Variants in PAX2 observed in about 807,000 individuals in gnomAD.
PAX2 encodes the protein paired box 2.
Under a neutral mutation model 41.7 loss-of-function variants are expected in PAX2, and 9 were observed. The ratio of observed to expected loss-of-function variants is 0.22; its 90% CI spans 0.13 to 0.38. The LOEUF (loss-of-function observed/expected upper bound fraction) is 0.38, where lower values mean the gene tolerates loss of function less well. Among genes scored for constraint, PAX2 ranks in the 10% least tolerant of loss-of-function variants. The pLI, the probability that PAX2 is intolerant of heterozygous loss-of-function variation, is 1.00. For missense variants in PAX2, 418 were observed against 531.6 expected, an observed-to-expected ratio of 0.79 and a Z score of 2.10; for synonymous variants, 221 against 212.7, an observed-to-expected ratio of 1.04 and a Z score of -0.34.
intron 3 of PAX2, among the ~76,000 whole-genome samples, chr10:100,775,275 G>A (rs1045289636): frequency 2.6e-5 from 4 of 152,326 alleles, no homozygotes; most frequent in South Asian, 2.1e-4. Context: ...GTATCAGGCC[G>A]TCATCATCAA....
chr10:100,817,329 C>T lies in PAX2; in HGVS notation c.920-7319C>T, dbSNP rs1848223398. Reference sequence around the variant, plus strand: ...GTTGGACTAGAAGATATCCAAGTTCCTTCTCAGCCCTTTGAAAATGTGATT... The same window carrying T: ...GTTGGACTAGAAGATATCCAAGTTCTTTCTCAGCCCTTTGAAAATGTGATT... On this transcript the variant is annotated intron_variant, in intron 7 of 9. Coordinates refer to ENST00000355243, the MANE Select transcript of PAX2 (RefSeq NM_000278.5). Among the ~76,000 whole-genome samples the T allele has an allele frequency of 3.9e-5, 6 of 152,328 alleles. No individual in the cohort carries two copies. In the South Asian group the frequency reaches 1.2e-3, roughly 32 times the overall value.
Position 100,827,775 on chromosome 10 carries a change from C to T in PAX2, c.*156C>T, listed in dbSNP as rs559979095. On this transcript the variant is annotated 3_prime_UTR_variant, in exon 10 of 10. Transcript: ENST00000355243. This position sits in a 1 kb window ranked among gnomAD's most constrained non-coding sequence, Gnocchi z 8.5. Reference sequence around the variant, plus strand: ...CCATCCCACGACCCCCGCAACCCTTCACATCACCCCCCTCGAAGGTCGGAC... The same window carrying T: ...CCATCCCACGACCCCCGCAACCCTTTACATCACCCCCCTCGAAGGTCGGAC... The T allele has an allele frequency of 9.7e-6, 11 of 1,128,880 alleles. No homozygotes were observed. In the African/African-American group the frequency reaches 1.2e-4, roughly 13 times the overall value. 69.9% of individuals were successfully genotyped at this position (1,128,880 alleles called of 1,614,324 possible). A position where few individuals can be genotyped will look rare whatever the true frequency, so the allele number is the denominator to read the frequency against.
intron 1 of PAX2, among the ~76,000 whole-genome samples, chr10:100,738,209 G>T (rs184414888): frequency 6.6e-6 from 1 of 152,160 alleles, no homozygotes; most frequent in Non-Finnish European, 1.5e-5. Flanking sequence ...CCATTCGGGC[G>T]CCAGGCTTTC....
chr10:100,825,045 C>A, intron 8 of PAX2: 1 of 1,338,240 alleles, frequency 7.5e-7, no homozygotes, highest in Non-Finnish European at 1.1e-6. Flanking sequence ...GAGCACTCAG[C>A]CTCAGCTCCA....
chr10:100,796,321 T>G (rs142597466), intron 5 of PAX2, among the ~76,000 whole-genome samples: 112 of 152,366 alleles, frequency 7.4e-4, no homozygotes, highest in Middle Eastern at 3.4e-3. Context: ...CTTCATGTCT[T>G]GCCATTTTCA....
chr10:100,736,792 C>G (rs1439900186), intron 1 of PAX2, among the ~76,000 whole-genome samples: 2 of 152,172 alleles, frequency 1.3e-5, no homozygotes, highest in East Asian at 3.9e-4. Context: ...TGGGCAGACC[C>G]TCTGCACCAG....
chr10:100,771,045 G>A (rs940795125), intron 3 of PAX2, among the ~76,000 whole-genome samples: 16 of 152,162 alleles, frequency 1.1e-4, no homozygotes, highest in African/African-American at 3.1e-4. Flanking sequence ...GATGGGACCC[G>A]GTGATTTGCA....
rs1215282618 is a variant in PAX2, at chr10:100,750,894, G to A, written c.410+3G>A. 16 of 1,612,954 alleles carry A rather than the reference G, an allele frequency of 9.9e-6. No individual in the cohort carries two copies. The highest frequency in any genetic ancestry group is 2.2e-5 in the South Asian group (2 of 91,052). On this transcript the variant is annotated splice_donor_region_variant and intron_variant, in intron 3 of 9. Transcript: ENST00000355243. This position sits in a 1 kb window ranked among gnomAD's most constrained non-coding sequence, Gnocchi z 4.1. ...CCCAGCGTCTCTTCCATCAACAGGT[G>A]AGCAAGCCACCCGGGTTTTCAGGGC...
chr10:100,756,029 T>G (rs1589819346), intron 3 of PAX2, among the ~76,000 whole-genome samples: 1 of 152,286 alleles, frequency 6.6e-6, no homozygotes, highest in Non-Finnish European at 1.5e-5. Flanking sequence ...ACATGTGTTT[T>G]GGACAGCATT....
intron 7 of PAX2, among the ~76,000 whole-genome samples, chr10:100,818,824 G>A (rs1012377260): frequency 3.3e-5 from 5 of 152,184 alleles, no homozygotes; most frequent in African/African-American, 1.2e-4. Flanking sequence ...TGCACTATTT[G>A]AGAACAATAT....
rs1347353384 is a variant in PAX2, at chr10:100,828,965, C to T, written c.*1346C>T. 1.3e-5 allele frequency: 3 copies of T among 228,016 alleles called. No individual in the cohort carries two copies. The highest frequency in any genetic ancestry group is 2.2e-5 in the African/African-American group (1 of 44,712). 14.1% of individuals were successfully genotyped at this position (228,016 alleles called of 1,614,324 possible). Reference sequence around the variant, plus strand: ...CGTAGAGTCCCTGTCGCCCGCCGGCCCTGCCTGTAGATACGCCCCGCTGTC... The same window carrying T: ...CGTAGAGTCCCTGTCGCCCGCCGGCTCTGCCTGTAGATACGCCCCGCTGTC... On this transcript the variant is annotated 3_prime_UTR_variant, in exon 10 of 10. Transcript: ENST00000355243. The surrounding 1 kb of genome is among the most constrained non-coding windows in gnomAD (Gnocchi z 6.5).
At position 100,768,442 on chromosome 10, in the gene PAX2, C is replaced by T. The variant is rs187787448; in HGVS notation, c.411-11056C>T. Among the ~76,000 whole-genome samples, 147 of 152,270 alleles carry T rather than the reference C, an allele frequency of 9.7e-4. No individual in the cohort carries two copies. In the East Asian group the frequency reaches 0.024, roughly 24 times the overall value. Reference sequence around the variant, plus strand: ...CAGTGCATATAAAATTCACCGAAGCCTATAGCAGCTTAATCTAAAATTGTG... The same window carrying T: ...CAGTGCATATAAAATTCACCGAAGCTTATAGCAGCTTAATCTAAAATTGTG... On this transcript the variant is annotated intron_variant, in intron 3 of 9. Coordinates refer to ENST00000355243, the MANE Select transcript of PAX2 (RefSeq NM_000278.5).
In PAX2 at chr10:100,791,872, G is replaced by A. The variant is rs1487988371; in HGVS notation, c.616+10507G>A. ...GGGTGGACTGGTGGTGTGGGGAGCC[G>A]AGGGCACTGTGGGCCACCTGGGGCA... On this transcript the variant is annotated intron_variant, in intron 5 of 9. Coordinates refer to ENST00000355243, the MANE Select transcript of PAX2 (RefSeq NM_000278.5). This position sits in a 1 kb window ranked among gnomAD's most constrained non-coding sequence, Gnocchi z 4.5. 5.3e-5 allele frequency among the ~76,000 whole-genome samples: 8 copies of A among 152,170 alleles called. No individual in the cohort carries two copies. Among genetic ancestry groups the A allele is most frequent in the African/African-American group, 1.7e-4 (7 of 41,440 alleles).
intron 7 of PAX2, among the ~76,000 whole-genome samples, chr10:100,811,665 T>A (rs1477582690): frequency 2.0e-5 from 3 of 152,240 alleles, no homozygotes; most frequent in Non-Finnish European, 2.9e-5. Flanking sequence ...GCTTATTTTC[T>A]TGGCAAATAT....
At chr10:100,810,358 C>T (rs927638) in intron 7 of PAX2, among the ~76,000 whole-genome samples, 19,478 of 152,232 alleles carry the variant, frequency 0.13, 2,609 homozygotes, top group African/African-American at 0.34. Flanking sequence ...TCAGTTTTCC[C>T]AGCCTCTCCC....
Position 100,808,309 on chromosome 10 carries a change from G to A in PAX2, c.793-801G>A, listed in dbSNP as rs80328765. Among the ~76,000 whole-genome samples the A allele has an allele frequency of 0.014, 2,084 of 152,050 alleles. 75 individuals carry two copies. The East Asian group carries it at 0.15, about 11-fold the overall frequency. ...GAATTGGAAATGACGAGGCAATCCC[G>A]TCCAGCCATGGAGGGGAGGGGGTAC... is the stretch of plus-strand genomic sequence containing the variant. On this transcript the variant is annotated intron_variant, in intron 6 of 9. Coordinates refer to ENST00000355243, the MANE Select transcript of PAX2 (RefSeq NM_000278.5).
intron 3 of PAX2, among the ~76,000 whole-genome samples, chr10:100,762,200 TAA>T (rs55652460): frequency 5.6e-5 from 8 of 142,400 alleles, no homozygotes; most frequent in African/African-American, 1.0e-4. Context: ...CCATCTCTAT[TAA>T]AAAAAAAAAA....
chr10:100,740,053 C>A (rs1017702162), intron 1 of PAX2, among the ~76,000 whole-genome samples: 5 of 152,208 alleles, frequency 3.3e-5, no homozygotes, highest in Admixed American at 2.0e-4. Context: ...CGAGCCTCCT[C>A]CCAGCCAGGC....
At chr10:100,770,586 A>G (rs914216172) in intron 3 of PAX2, among the ~76,000 whole-genome samples, 1 of 152,264 alleles carries the variant, frequency 6.6e-6, no homozygotes, top group Non-Finnish European at 1.5e-5. Flanking sequence ...GGCCAGCCCC[A>G]TGGCCCATCT....
Sources: allele counts gnomAD v4.1 joint callset (sites outside exome capture counted in the v4.1 genomes callset), GRCh38; gene constraint gnomAD v4.1.1; non-coding constraint Gnocchi (gnomAD v3.1); transcripts MANE v1.5; gene names NCBI Gene and HGNC (gene_info 2026-07-23, HGNC 2026-07-21).